PGK1: variants seen among roughly 807,000 people sequenced by gnomAD.
The protein encoded by PGK1 is PRP 2.
A neutral mutation model predicts 26.9 loss-of-function variants in PGK1; 3 were observed. The observed-to-expected ratio is 0.11, with a 90% CI of 0.05 to 0.29. The LOEUF is 0.29. PGK1 is among the 10% of genes least tolerant of loss of function. The pLI is 1.00. For missense variants in PGK1, 270 were observed against 314.7 expected, an observed-to-expected ratio of 0.86 and a Z score of 1.07; for synonymous variants, 125 against 115.3, an observed-to-expected ratio of 1.08 and a Z score of -0.54.
rs1314612865 is a variant in PGK1 at position 78,116,625 on chromosome X, C to G, written c.418-687C>G. Among the ~76,000 whole-genome samples, 3 of 112,649 alleles carry G rather than the reference C, an allele frequency of 2.7e-5. No homozygotes were observed. In the Admixed American group the frequency reaches 2.8e-4, roughly 11 times the overall value. ...CTCTCTGGTTTGCTTATCCTCCCAT[C>G]TTGCTTTCTGTCCCCTTTGGGGTAT... On this transcript the variant is annotated intron_variant, in intron 4 of 10. Coordinates refer to ENST00000373316, the MANE Select transcript of PGK1 (RefSeq NM_000291.4).
chrX:78,122,100 T>G (rs1370148152), intron 6 of PGK1, among the ~76,000 whole-genome samples: 6 of 110,829 alleles, frequency 5.4e-5, no homozygotes, highest in Non-Finnish European at 7.6e-5. Flanking sequence ...CGCAGCTACT[T>G]GAGAGGCTGA....
chrX:78,117,999 A>G, intron 5 of PGK1, 52 bp from the exon 6 acceptor site: 1 of 1,128,373 alleles, frequency 8.9e-7, no homozygotes, highest in Non-Finnish European at 1.2e-6. Flanking sequence ...CTCTAGGACT[A>G]GGAGGAATGA....
chrX:78,104,425 C>G lies in PGK1; in HGVS notation c.65+20C>G, dbSNP rs1557245945. On this transcript the variant is annotated intron_variant, in intron 1 of 10. Coordinates refer to ENST00000373316, the MANE Select transcript of PGK1 (RefSeq NM_000291.4). ...TATGAGGTAATTCTGCACGTTTGCC[C>G]GCGTGCTCTCTGTGCTCTGTCGCAA... 1 of 1,129,447 alleles carries G rather than the reference C, an allele frequency of 8.9e-7. No individual in the cohort carries two copies. The highest frequency in any genetic ancestry group is 1.2e-6 in the Non-Finnish European group (1 of 820,634). 93.1% of individuals were successfully genotyped at this position (1,129,447 alleles called of 1,213,427 possible). A position where few individuals can be genotyped will look rare whatever the true frequency, so the allele number is the denominator to read the frequency against.
rs1319185192 is a variant in PGK1 at position 78,129,093 on chromosome X, CG to C, written c.*3266del. ...GTGGGCGCCTGTAGTCCCAGCTACT[CG>C]GGAGGCTGAGGCAGGAGAATGGCGT... On this transcript the variant is annotated 3_prime_UTR_variant, in exon 11 of 11. Coordinates refer to ENST00000373316, the MANE Select transcript of PGK1 (RefSeq NM_000291.4). 3.6e-5 allele frequency: 4 copies of C among 110,737 alleles called. No individual in the cohort carries two copies. The East Asian group carries it at 8.5e-4, about 24-fold the overall frequency. The allele number at this position is 110,737 out of a possible 1,213,427, so 9.1% of individuals were successfully genotyped here.
At chrX:78,108,012 TAGAATCTGTAGGCA>T (rs2149129428) in intron 1 of PGK1, among the ~76,000 whole-genome samples, 1 of 109,835 alleles carries the variant, frequency 9.1e-6, no homozygotes, top group East Asian at 2.8e-4. Context: ...ATGGAACAAG[TAGAATCTGTAGGCA>T]AGAGCAGTTC....
intron 10 of PGK1, 92 bp downstream of exon 10, chrX:78,125,517 G>T (rs2073178): frequency 1.6e-6 from 1 of 627,279 alleles, no homozygotes; most frequent in African/African-American, 2.2e-5. Flanking sequence ...TTAGAAGGTA[G>T]TGTTGTCATT....
chrX:78,117,879 T>A (rs2078334346), intron 5 of PGK1, among the ~76,000 whole-genome samples, 172 bp from the exon 6 acceptor site: 1 of 112,835 alleles, frequency 8.9e-6, no homozygotes, highest in Non-Finnish European at 1.9e-5. Flanking sequence ...CTTGCACTAT[T>A]AGTTAAAAAT....
At chrX:78,110,985 A>T (rs2078298102) in intron 2 of PGK1, among the ~76,000 whole-genome samples, 1 of 105,966 alleles carries the variant, frequency 9.4e-6, no homozygotes, top group African/African-American at 3.5e-5. Flanking sequence ...TGTAGATTTT[A>T]TATATATATA....
chrX:78,104,437 G>C (rs1397299458), intron 1 of PGK1, 32 bp downstream of exon 1: 3 of 1,077,353 alleles, frequency 2.8e-6, no homozygotes, highest in African/African-American at 1.8e-5. Flanking sequence ...CGTGCTCTCT[G>C]TGCTCTGTCG....
chrX:78,118,900 T>C (rs1031500579), intron 6 of PGK1, among the ~76,000 whole-genome samples: 2 of 111,481 alleles, frequency 1.8e-5, no homozygotes, highest in African/African-American at 6.5e-5. Flanking sequence ...CCACCCTCAA[T>C]TTGGCTGAAA....
intron 1 of PGK1, among the ~76,000 whole-genome samples, chrX:78,104,910 C>T (rs1372618187): frequency 5.4e-5 from 6 of 111,542 alleles, no homozygotes; most frequent in African/African-American, 2.0e-4. Context: ...GAGTAGACCC[C>T]CCCGCCCCCC....
chrX:78,107,774 G>A (rs782781024), intron 1 of PGK1, among the ~76,000 whole-genome samples: 14 of 111,214 alleles, frequency 1.3e-4, no homozygotes, highest in Admixed American at 7.7e-4. Context: ...GCTGGGCCAC[G>A]TCCTTTTGAG....
At position 78,117,336 on chromosome X, in the gene PGK1, G is replaced by C. The variant is rs782713498; in HGVS notation, c.442G>C (p.Glu148Gln). The change falls in exon 5 of 11, where the codon GAA becomes CAA. Residue 148 changes from glutamate (E) to glutamine (Q), a missense_variant. Coordinates refer to ENST00000373316, the MANE Select transcript of PGK1 (RefSeq NM_000291.4). The stretch of plus-strand genomic sequence containing the variant: ...GGTTAAAGCCGAGCCAGCCAAAATA[G>C]AAGCTTTCCGAGCTTCACTTTCCAA... ...NKVKAEPAKIEAFRASLSKLG... is the reference protein window; with the variant it reads ...NKVKAEPAKIQAFRASLSKLG... 1.7e-6 allele frequency: 2 copies of C among 1,206,974 alleles called. No homozygotes were observed. Among genetic ancestry groups the C allele is most frequent in the East Asian group, 5.9e-5 (2 of 33,816 alleles).
Position 78,118,039 on chromosome X carries a change from G to C in PGK1, c.522-12G>C, listed in dbSNP as rs2078335012. 2.5e-6 allele frequency: 3 copies of C among 1,202,823 alleles called. No individual in the cohort carries two copies. In the South Asian group the frequency reaches 5.3e-5, roughly 21 times the overall value. On this transcript the variant is annotated splice_polypyrimidine_tract_variant and intron_variant, in intron 5 of 10. Transcript: ENST00000373316. ...GATTGACTAGAATCTGAATGTCTTT[G>C]ATCTTTTCTAGCTCCATGGTAGGAG... is the stretch of plus-strand genomic sequence containing the variant.
rs782523280 is a variant in PGK1, at chrX:78,127,580, G to T, written c.*1750G>T. 8.9e-6 allele frequency: 1 copy of T among 111,942 alleles called. No homozygotes were observed. The highest frequency in any genetic ancestry group is 1.9e-5 in the Non-Finnish European group (1 of 53,233). 9.2% of individuals were successfully genotyped at this position (111,942 alleles called of 1,213,427 possible). ...TCAAGTCCAGGTTTGTCTGGTTCCA[G>T]TGGCTGATGCTTTTCCAATGTGCCT... On this transcript the variant is annotated 3_prime_UTR_variant, in exon 11 of 11. Coordinates refer to ENST00000373316, the MANE Select transcript of PGK1 (RefSeq NM_000291.4).
At chrX:78,107,892 C>T (rs899408972) in intron 1 of PGK1, among the ~76,000 whole-genome samples, 3 of 108,543 alleles carry the variant, frequency 2.8e-5, no homozygotes, top group Non-Finnish European at 3.8e-5. Flanking sequence ...AGTTATTTTT[C>T]GTTCTGATGG....
intron 1 of PGK1, among the ~76,000 whole-genome samples, chrX:78,109,498 A>G (rs1283872654): frequency 2.7e-5 from 3 of 110,027 alleles, no homozygotes; most frequent in African/African-American, 9.9e-5. Flanking sequence ...AGCTTCCCAG[A>G]TCTTCAGGGC....
At chrX:78,114,581 C>CA (rs11330839) in intron 4 of PGK1, among the ~76,000 whole-genome samples, 469 of 94,658 alleles carry the variant, frequency 5.0e-3, no homozygotes, top group Middle Eastern at 0.012. Flanking sequence ...AACTAAGTCT[C>CA]AAAAAAAAAA....
intron 8 of PGK1, among the ~76,000 whole-genome samples, chrX:78,124,186 G>T (rs972271121): frequency 2.7e-5 from 3 of 111,806 alleles, no homozygotes; most frequent in Non-Finnish European, 3.8e-5. Context: ...GTTTTTACAT[G>T]CTAGTTTGCT....
Sources: allele counts gnomAD v4.1 joint callset (sites outside exome capture counted in the v4.1 genomes callset), GRCh38; gene constraint gnomAD v4.1.1; transcripts MANE v1.5; gene names NCBI Gene and HGNC (gene_info 2026-07-23, HGNC 2026-07-21).